The following DNMBP variants were observed in gnomAD, a reference collection of about 807,000 sequenced individuals.
DNMBP encodes the protein dynamin binding protein, also known as dynamin-binding protein.
Under a neutral mutation model 150.0 loss-of-function variants are expected in DNMBP, and 87 were observed. The ratio of observed to expected loss-of-function variants is 0.58; its 90% CI spans 0.49 to 0.69. The LOEUF (loss-of-function observed/expected upper bound fraction) is 0.69, where lower values mean the gene tolerates loss of function less well. Among genes scored for constraint, DNMBP ranks in the 30% least tolerant of loss-of-function variants. The pLI is 0.00. For missense variants in DNMBP, 1,774 were observed against 1,949.0 expected (o/e 0.91, Z 1.69); for synonymous variants, 711 against 750.4 (o/e 0.95, Z 0.86).
At chr10:99,943,071 G>C (rs2040318727) in intron 4 of DNMBP, among the ~76,000 whole-genome samples, 1 of 152,170 alleles carries the variant, frequency 6.6e-6, no homozygotes, top group Admixed American at 6.5e-5. Context: ...GATCACCTGA[G>C]GTCAGGCGTT....
At chr10:99,961,294 G>T (rs2040562121) in intron 3 of DNMBP, among the ~76,000 whole-genome samples, 1 of 109,836 alleles carries the variant, frequency 9.1e-6, no homozygotes, top group Non-Finnish European at 1.8e-5. Context: ...TTTTTTTGTG[G>T]AGACAGGGTC....
chr10:99,928,167 T>C (rs1226997691), intron 4 of DNMBP: 2 of 152,144 alleles, frequency 1.3e-5, no homozygotes, highest in Non-Finnish European at 2.9e-5. Flanking sequence ...TAGGTGCAGG[T>C]TAAGAGCCTG....
intron 1 of DNMBP, among the ~76,000 whole-genome samples, chr10:100,003,311 C>T (rs1184966720): frequency 6.6e-6 from 1 of 152,172 alleles, no homozygotes; most frequent in African/African-American, 2.4e-5. Flanking sequence ...CGAGCCACTG[C>T]ACTCCAGCCT....
Position 99,876,862 on chromosome 10 carries a change from G to T in DNMBP, c.*289C>A, listed in dbSNP as rs924020522. On this transcript the variant is annotated 3_prime_UTR_variant, in exon 17 of 17. Coordinates refer to ENST00000324109, the MANE Select transcript of DNMBP (RefSeq NM_015221.4). ...TACATAGGACACTGGGCTTCTGACT[G>T]CAAGTTTCTCCTTTCCAAAAGCCAG... 3.3e-6 allele frequency: 1 copy of T among 307,510 alleles called. No homozygotes were observed. The highest frequency in any genetic ancestry group is 5.9e-6 in the Non-Finnish European group (1 of 169,312). The allele number at this position is 307,510 out of a possible 1,614,324, so 19.0% of individuals were successfully genotyped here.
At chr10:99,954,701 G>A (rs1168520236) in intron 4 of DNMBP, among the ~76,000 whole-genome samples, 7 of 142,836 alleles carry the variant, frequency 4.9e-5, no homozygotes, top group African/African-American at 1.6e-4. Flanking sequence ...CCAAGGTCGC[G>A]CCATTGCACT....
intron 4 of DNMBP, among the ~76,000 whole-genome samples, chr10:99,924,993 C>A (rs2040062250): frequency 1.3e-5 from 2 of 152,148 alleles, no homozygotes; most frequent in South Asian, 4.1e-4. Context: ...GCTCTGTGCC[C>A]CTGCTCCTAC....
intron 11 of DNMBP, among the ~76,000 whole-genome samples, chr10:99,891,887 C>T (rs1277333913): frequency 1.1e-4 from 16 of 146,812 alleles, no homozygotes; most frequent in African/African-American, 4.1e-4. Context: ...AGGTGAGGAG[C>T]GTCTCTGCCG....
chr10:99,998,308 T>C (rs1174767841), intron 1 of DNMBP, among the ~76,000 whole-genome samples: 4 of 151,068 alleles, frequency 2.6e-5, no homozygotes, highest in African/African-American at 9.7e-5. Flanking sequence ...CCGGGCGCAG[T>C]GGCTCACGCC....
rs1250399496 is a variant in DNMBP, at chr10:99,955,445, C to T, written c.2029G>A (p.Gly677Ser). 1.9e-6 allele frequency: 3 copies of T among 1,610,966 alleles called. No homozygotes were observed. In the Admixed American group the frequency reaches 5.0e-5, roughly 27 times the overall value. Residue 677 changes from glycine to serine, a missense_variant, in exon 4 of 17, where the codon GGC (glycine) becomes AGC (serine). Gly to Ser is a moderately conservative substitution (Grantham distance 56, BLOSUM62 0). Coordinates refer to ENST00000324109, the MANE Select transcript of DNMBP (RefSeq NM_015221.4). ...AGACTCCTTCCCATATGACCAGGGCCCTCCTTTTCTAAGGTCTCACAGGTA... is the reference window on the plus strand; with the variant it reads ...AGACTCCTTCCCATATGACCAGGGCTCTCCTTTTCTAAGGTCTCACAGGTA... ...RPTCETLEKE[G>S]PGHMGRSLDQ...
Position 99,907,988 on chromosome 10 carries a change from C to T in DNMBP, c.2554+7G>A, listed in dbSNP as rs1294570181. The T allele has an allele frequency of 2.4e-5, 38 of 1,611,172 alleles. No individual in the cohort carries two copies. Among genetic ancestry groups the T allele is most frequent in the Non-Finnish European group, 3.2e-5 (38 of 1,177,660 alleles). On this transcript the variant is annotated splice_region_variant and intron_variant, in intron 6 of 16. Transcript: ENST00000324109. ...AGCTGCTTCTGAAACAACACAGGAG[C>T]TCATACCTACAGCATCGCTGATTTC...
chr10:99,995,262 G>C (rs1338046117), intron 1 of DNMBP, among the ~76,000 whole-genome samples: 1 of 151,996 alleles, frequency 6.6e-6, no homozygotes, highest in Admixed American at 6.6e-5. Flanking sequence ...ATGTTGCCCA[G>C]GTTGGTCTCT....
At chr10:99,927,888 A>T (rs540371662) in intron 4 of DNMBP, among the ~76,000 whole-genome samples, 1 of 152,320 alleles carries the variant, frequency 6.6e-6, no homozygotes, top group Non-Finnish European at 1.5e-5. Flanking sequence ...CACTTTGATT[A>T]CAGTTGGGAG....
In DNMBP at chr10:99,988,787, G is replaced by A. The variant is rs1355488224; in HGVS notation, c.-10-16653C>T. The stretch of plus-strand genomic sequence containing the variant: ...AGTGACTCTCCTGCCTCAGCCTCCC[G>A]AGGAGCTGGGACTACAGGCATGAAC... On this transcript the variant is annotated intron_variant, in intron 1 of 16. Coordinates refer to ENST00000324109, the MANE Select transcript of DNMBP (RefSeq NM_015221.4). Among the ~76,000 whole-genome samples the A allele has an allele frequency of 4.0e-5, 6 of 151,876 alleles. No individual in the cohort carries two copies. The East Asian group carries it at 5.8e-4, about 15-fold the overall frequency.
At chr10:99,902,757 G>A (rs12762327) in intron 6 of DNMBP, among the ~76,000 whole-genome samples, 66,013 of 150,202 alleles carry the variant, frequency 0.44, 14,729 homozygotes, top group Non-Finnish European at 0.46. Context: ...GCAAAACCCC[G>A]TCTCTACTAA....
chr10:99,907,426 T>C (rs2039840456), intron 6 of DNMBP, among the ~76,000 whole-genome samples: 1 of 151,972 alleles, frequency 6.6e-6, no homozygotes, highest in Admixed American at 6.6e-5. Flanking sequence ...GACCAAGTCT[T>C]GCTCTGTACC....
chr10:99,915,128 T>TATATACAC (rs1439020903), intron 4 of DNMBP, among the ~76,000 whole-genome samples: 2 of 126,132 alleles, frequency 1.6e-5, no homozygotes, highest in African/African-American at 6.4e-5. Flanking sequence ...TATATATATA[T>TATATACAC]ACACACACAC....
At chr10:99,992,968 C>T (rs895571860) in intron 1 of DNMBP, among the ~76,000 whole-genome samples, 1 of 152,052 alleles carries the variant, frequency 6.6e-6, no homozygotes, top group African/African-American at 2.4e-5. Flanking sequence ...CACTTGAGCC[C>T]AGGAGGTCAA....
intron 4 of DNMBP, among the ~76,000 whole-genome samples, chr10:99,918,707 C>CAG (rs1183608063): frequency 6.6e-6 from 1 of 151,848 alleles, no homozygotes; most frequent in Non-Finnish European, 1.5e-5. Context: ...GCTGGGATTA[C>CAG]AGGCACCTGC....
At chr10:99,967,430 G>A (rs2040630158) in intron 3 of DNMBP, among the ~76,000 whole-genome samples, 1 of 152,148 alleles carries the variant, frequency 6.6e-6, no homozygotes, top group South Asian at 2.1e-4. Context: ...GGAGGCTGAG[G>A]AAGGAGAATC....
Sources: gnomAD v4.1 joint callset for allele counts (sites outside exome capture counted in the v4.1 genomes callset) on GRCh38, gnomAD v4.1.1 for gene constraint, MANE v1.5 for transcripts, NCBI Gene and HGNC (gene_info 2026-07-23, HGNC 2026-07-21) for gene names.